Variants in CFAP43 observed in about 807,000 individuals in gnomAD.
CFAP43 encodes cilia- and flagella-associated protein 43.
A neutral mutation model predicts 218.9 loss-of-function variants in CFAP43; 155 were observed. The observed-to-expected ratio is 0.71, with a 90% CI of 0.62 to 0.81. The LOEUF is 0.81. Among genes scored for constraint, CFAP43 ranks in the 30% least tolerant of loss-of-function variants. The probability of loss-of-function intolerance (pLI) is 0.00; values close to 1 mark genes in which losing one functional copy is unlikely to be tolerated. For missense variants in CFAP43, 1,778 were observed against 1,954.3 expected (o/e 0.91, Z 1.70); for synonymous variants, 645 against 681.3 (o/e 0.95, Z 0.83).
At chr10:104,189,760 T>C (rs1589741171) in intron 12 of CFAP43, among the ~76,000 whole-genome samples, 1 of 152,096 alleles carries the variant, frequency 6.6e-6, no homozygotes, top group South Asian at 2.1e-4. Context: ...CCCAATACTT[T>C]GGGAGGCTGA....
intron 19 of CFAP43, among the ~76,000 whole-genome samples, chr10:104,177,386 T>C (rs2089669446): frequency 6.6e-6 from 1 of 152,078 alleles, no homozygotes; most frequent in African/African-American, 2.4e-5. Context: ...CCCATAAATG[T>C]AGGAGAAGGA....
rs948054546 is a variant in CFAP43, at chr10:104,171,467, G to T, written c.2586+943C>A. Among the ~76,000 whole-genome samples, 3 of 152,108 alleles carry T rather than the reference G, an allele frequency of 2.0e-5. No individual in the cohort carries two copies. In the East Asian group the frequency reaches 5.8e-4, roughly 29 times the overall value. On this transcript the variant is annotated intron_variant, in intron 20 of 37. Coordinates refer to ENST00000357060, the MANE Select transcript of CFAP43 (RefSeq NM_025145.7). ...AACATGTTTATCAGGACCAAGTCCT[G>T]GGGTACATGGTGGAAACCTCCCTCC...
Position 104,140,926 on chromosome 10 carries a change from C to T in CFAP43, c.4347G>A (p.Leu1449=). 1 of 1,613,478 alleles carries T rather than the reference C, an allele frequency of 6.2e-7. No homozygotes were observed. The highest frequency in any genetic ancestry group is 8.5e-7 in the Non-Finnish European group (1 of 1,179,722). The change falls in exon 34 of 38, where the codon CTG becomes CTA. Residue 1449 remains leucine (L), a synonymous_variant. Coordinates refer to ENST00000357060, the MANE Select transcript of CFAP43 (RefSeq NM_025145.7). ...QILLKQGQVE[L]ENFQLVLEYS... ...ACTCCAGTACTAGCTGGAAATTTTC[C>T]AGTTCTACTTGTCCTTGTTTAAGAA...
In CFAP43 at chr10:104,207,791, T is replaced by G; in HGVS notation, c.769A>C (p.Thr257Pro). Residue 257 changes from threonine (T) to proline (P), a missense_variant, in exon 6 of 38, where the codon ACT becomes CCT. Physicochemically the swap from Thr to Pro is conservative, Grantham distance 38. Coordinates refer to ENST00000357060, the MANE Select transcript of CFAP43 (RefSeq NM_025145.7). Reference sequence around the variant, plus strand: ...CTTGTTGGAGTCCAGCAATGCATAGTCGGGTGAAGCAAAGGATATAGATCA... The same window carrying G: ...CTTGTTGGAGTCCAGCAATGCATAGGCGGGTGAAGCAAAGGATATAGATCA... ...KDDLYPLLHP[T>P]MHCWTPTSDL... The G allele has an allele frequency of 6.2e-7, 1 of 1,613,980 alleles. No individual in the cohort carries two copies. The highest frequency in any genetic ancestry group is 1.3e-5 in the African/African-American group (1 of 75,030).
At chr10:104,171,205 G>T (rs1328360284) in intron 20 of CFAP43, among the ~76,000 whole-genome samples, 1 of 152,170 alleles carries the variant, frequency 6.6e-6, no homozygotes, top group Non-Finnish European at 1.5e-5. Context: ...GCAGAAATGT[G>T]TCTGTCTTCT....
chr10:104,201,196 T>A (rs147992992), intron 8 of CFAP43, among the ~76,000 whole-genome samples: 1 of 152,344 alleles, frequency 6.6e-6, no homozygotes, highest in African/African-American at 2.4e-5. Context: ...AATTTAATAT[T>A]TTATTATTCT....
intron 12 of CFAP43, among the ~76,000 whole-genome samples, chr10:104,190,097 C>G (rs1320242956): frequency 1.4e-5 from 2 of 139,294 alleles, no homozygotes; most frequent in Non-Finnish European, 3.0e-5. Context: ...GATCACGCCA[C>G]TGCACTCCAG....
rs543501654 is a variant in CFAP43, at chr10:104,197,977, C to T, written c.1157G>A (p.Cys386Tyr). 1 of 1,613,790 alleles carries T rather than the reference C, an allele frequency of 6.2e-7. No individual in the cohort carries two copies. Among genetic ancestry groups the T allele is most frequent in the Admixed American group, 1.7e-5 (1 of 59,986 alleles). The change falls in exon 9 of 38, where the codon TGT (cysteine) becomes TAT (tyrosine). Residue 386 changes from cysteine (C) to tyrosine (Y), a missense_variant. Physicochemically the swap from Cys to Tyr is radical, Grantham distance 194. This residue lies in a region of CFAP43 where 1,553 missense variants were observed against 1,685.2 expected (regional missense o/e 0.92). Coordinates refer to ENST00000357060, the MANE Select transcript of CFAP43 (RefSeq NM_025145.7). The part of the protein sequence containing the change: ...EPTLNKVLDA[C>Y]DGKFQAIDFI... Reference sequence around the variant, plus strand: ...GTCAATTGCCTGAAATTTCCCATCACAAGCATCTAGGACTTTATTTAAGGT... The same window carrying T: ...GTCAATTGCCTGAAATTTCCCATCATAAGCATCTAGGACTTTATTTAAGGT...
At chr10:104,206,400 G>A (rs1018869865) in intron 6 of CFAP43, among the ~76,000 whole-genome samples, 1 of 152,196 alleles carries the variant, frequency 6.6e-6, no homozygotes, top group Admixed American at 6.5e-5. Flanking sequence ...TAAGTGCCAA[G>A]GGAATGGGCT....
Position 104,182,402 on chromosome 10 carries a change from T to C in CFAP43, c.2253A>G (p.Lys751=), listed in dbSNP as rs764471022. The change falls in exon 17 of 38, where the codon AAA becomes AAG. Residue 751 remains lysine, a synonymous_variant. Coordinates refer to ENST00000357060, the MANE Select transcript of CFAP43 (RefSeq NM_025145.7). The part of the protein sequence containing the change: ...KENHYLSTTP[K]VSVDLGSDSE... Reference sequence around the variant, plus strand: ...AATCGGATCCCAAATCTACGGAAACTTTTGGTGTTGTGCTTAAATAATGAT... The same window carrying C: ...AATCGGATCCCAAATCTACGGAAACCTTTGGTGTTGTGCTTAAATAATGAT... 5 of 1,610,774 alleles carry C rather than the reference T, an allele frequency of 3.1e-6. No homozygotes were observed. In the African/African-American group the frequency reaches 6.7e-5, roughly 22 times the overall value.
intron 1 of CFAP43, among the ~76,000 whole-genome samples, chr10:104,231,844 G>A (rs79403830): frequency 0.083 from 12,561 of 152,170 alleles, 634 homozygotes; most frequent in South Asian, 0.17. Flanking sequence ...GGAGGGGGAT[G>A]TGATCAGAAG....
intron 20 of CFAP43, among the ~76,000 whole-genome samples, chr10:104,172,119 G>A (rs1028102075): frequency 6.6e-6 from 1 of 152,200 alleles, no homozygotes; most frequent in Non-Finnish European, 1.5e-5. Flanking sequence ...AAGTTGGCAT[G>A]AGGTGGCTGA....
chr10:104,205,227 A>AG (rs1460143091), intron 7 of CFAP43, among the ~76,000 whole-genome samples: 49 of 151,272 alleles, frequency 3.2e-4, no homozygotes, highest in South Asian at 1.5e-3. Flanking sequence ...AAAAAAAAAA[A>AG]AAAAAAAAGA....
intron 20 of CFAP43, among the ~76,000 whole-genome samples, chr10:104,169,072 T>G (rs1002955741): frequency 7.1e-6 from 1 of 140,006 alleles, no homozygotes; most frequent in Non-Finnish European, 1.5e-5. Flanking sequence ...TGGATTCTCT[T>G]CCTTGAGGAC....
Position 104,192,267 on chromosome 10 carries a change from G to A in CFAP43, c.1478C>T (p.Thr493Ile). The A allele has an allele frequency of 6.2e-7, 1 of 1,612,762 alleles. No homozygotes were observed. The highest frequency in any genetic ancestry group is 8.5e-7 in the Non-Finnish European group (1 of 1,179,526). Reference protein sequence around the residue: ...DQQGIFLLVGTAEGKVFIINA... With the variant: ...DQQGIFLLVGIAEGKVFIINA... ...GATAATAAAGACTTTTCCTTCTGCT[G>A]TTCCAACTAACAGAAATATTCCTTG... Residue 493 changes from threonine to isoleucine, a missense_variant, in exon 12 of 38, where the codon ACA (threonine) becomes ATA (isoleucine). Coordinates refer to ENST00000357060, the MANE Select transcript of CFAP43 (RefSeq NM_025145.7).
intron 1 of CFAP43, 32 bp from the exon 2 acceptor site, chr10:104,230,875 A>G: frequency 6.5e-7 from 1 of 1,547,318 alleles, no homozygotes; most frequent in Non-Finnish European, 8.7e-7. Context: ...CATCAATATA[A>G]TACATTTCAA....
At chr10:104,188,858 C>T (rs779058701) in intron 12 of CFAP43, among the ~76,000 whole-genome samples, 7 of 152,154 alleles carry the variant, frequency 4.6e-5, no homozygotes, top group Non-Finnish European at 8.8e-5. Flanking sequence ...TGAGCTTGCT[C>T]CACTAGAAAG....
intron 17 of CFAP43, among the ~76,000 whole-genome samples, chr10:104,180,744 C>T (rs771721526): frequency 9.2e-5 from 14 of 152,072 alleles, no homozygotes; most frequent in Non-Finnish European, 1.3e-4. Context: ...CCACCGTCCC[C>T]GCCGGCCCAC....
chr10:104,182,904 CT>C (rs575848657), intron 16 of CFAP43, among the ~76,000 whole-genome samples: 1 of 151,910 alleles, frequency 6.6e-6, no homozygotes, highest in Non-Finnish European at 1.5e-5. Flanking sequence ...ACAGGAGACC[CT>C]TTCATGGGTT....
Sources: allele counts gnomAD v4.1 joint callset (sites outside exome capture counted in the v4.1 genomes callset), GRCh38; gene constraint gnomAD v4.1.1; regional missense constraint gnomAD v4.1.1; transcripts MANE v1.5; gene names NCBI Gene and HGNC (gene_info 2026-07-23, HGNC 2026-07-21).